RGS21: variants seen among roughly 807,000 people sequenced by gnomAD.
The protein encoded by RGS21 is regulator of G-protein signalling 21.
In RGS21, 19 loss-of-function variants were observed where a neutral mutation model predicts 18.7. The ratio of observed to expected loss-of-function variants is 1.01; its 90% CI spans 0.71 to 1.49. RGS21 has a LOEUF of 1.49. Ranked by LOEUF, RGS21 falls within the 40% of genes most tolerant of loss-of-function variation. The pLI, the probability that RGS21 is intolerant of heterozygous loss-of-function variation, is 0.00. For synonymous variants in RGS21, 56 were observed against 57.8 expected (o/e 0.97, Z 0.14); for missense variants, 194 against 176.8 (o/e 1.10, Z -0.55).
intron 1 of RGS21, among the ~76,000 whole-genome samples, chr1:192,319,712 A>C (rs948067393): frequency 1.3e-5 from 2 of 152,104 alleles, no homozygotes; most frequent in Non-Finnish European, 1.5e-5. Flanking sequence ...TAGCTACTAC[A>C]TAAGGCACCT....
intron 3 of RGS21, 83 bp from the exon 4 acceptor site, chr1:192,351,964 C>A: frequency 1.4e-6 from 1 of 695,688 alleles, no homozygotes; most frequent in South Asian, 2.4e-5. Flanking sequence ...CCAGTAAATG[C>A]TCATATTATA....
chr1:192,333,299 C>T (rs1191082055), intron 1 of RGS21, among the ~76,000 whole-genome samples: 2 of 151,702 alleles, frequency 1.3e-5, no homozygotes, highest in Non-Finnish European at 2.9e-5. Flanking sequence ...CACACACACA[C>T]ACACTTACCA....
At chr1:192,361,942 T>G (rs1659192687) in intron 4 of RGS21, among the ~76,000 whole-genome samples, 1 of 152,140 alleles carries the variant, frequency 6.6e-6, no homozygotes, top group African/African-American at 2.4e-5. Context: ...TCAGAGGATA[T>G]TCAACTTAAG....
At chr1:192,324,287 T>C (rs1180789911) in intron 1 of RGS21, among the ~76,000 whole-genome samples, 5 of 152,096 alleles carry the variant, frequency 3.3e-5, no homozygotes, top group Admixed American at 6.6e-5. Flanking sequence ...TTTAAACAAT[T>C]TTCTCATTAG....
intron 4 of RGS21, among the ~76,000 whole-genome samples, chr1:192,360,807 A>G (rs1162327476): frequency 3.3e-5 from 5 of 152,104 alleles, no homozygotes; most frequent in Admixed American, 1.3e-4. Context: ...TTAATATTTC[A>G]TAGTCATAAT....
chr1:192,364,651 T>C (rs1571465879), intron 4 of RGS21, among the ~76,000 whole-genome samples: 1 of 152,196 alleles, frequency 6.6e-6, no homozygotes, highest in East Asian at 1.9e-4. Flanking sequence ...CATTTATAGT[T>C]CCATACTCCA....
chr1:192,333,886 T>C (rs1658726298), intron 1 of RGS21, among the ~76,000 whole-genome samples: 1 of 152,164 alleles, frequency 6.6e-6, no homozygotes, highest in African/African-American at 2.4e-5. Context: ...TGCCAACCAC[T>C]GGGATAGACT....
chr1:192,361,617 C>G (rs1659188599), intron 4 of RGS21, among the ~76,000 whole-genome samples: 2 of 152,152 alleles, frequency 1.3e-5, no homozygotes, highest in African/African-American at 2.4e-5. Flanking sequence ...ATGATCACGG[C>G]TGACTGCAAC....
intron 1 of RGS21, among the ~76,000 whole-genome samples, chr1:192,323,344 T>C (rs992750808): frequency 3.3e-5 from 5 of 152,120 alleles, no homozygotes; most frequent in African/African-American, 1.2e-4. Context: ...CCTGTTGCAT[T>C]ATGGAGTATG....
At chr1:192,333,092 G>T (rs1254903405) in intron 1 of RGS21, among the ~76,000 whole-genome samples, 1 of 152,026 alleles carries the variant, frequency 6.6e-6, no homozygotes, top group Non-Finnish European at 1.5e-5. Flanking sequence ...AGCTGTTAGG[G>T]AATTAAAATT....
intron 1 of RGS21, among the ~76,000 whole-genome samples, chr1:192,318,430 G>A (rs1483845018): frequency 6.6e-6 from 1 of 151,982 alleles, no homozygotes; most frequent in Admixed American, 6.6e-5. Context: ...CCCTCCTTGG[G>A]GCTAGACTCT....
intron 2 of RGS21, 103 bp downstream of exon 2, chr1:192,343,150 T>C: frequency 9.2e-7 from 1 of 1,089,376 alleles, no homozygotes; most frequent in Non-Finnish European, 1.4e-6. Context: ...TTATGATAAA[T>C]ACGCTAATTG....
intron 2 of RGS21, among the ~76,000 whole-genome samples, chr1:192,343,474 C>G (rs1345773405): frequency 6.6e-6 from 1 of 152,106 alleles, no homozygotes; most frequent in African/African-American, 2.4e-5. Flanking sequence ...CATTCTCCAG[C>G]ACACTGCTAA....
chr1:192,352,023 A>T (rs371313430), intron 3 of RGS21, 24 bp from the exon 4 acceptor site: 6 of 1,478,322 alleles, frequency 4.1e-6, no homozygotes, highest in Non-Finnish European at 5.5e-6. Flanking sequence ...TATTATACAA[A>T]ACTTTTTCTC....
At chr1:192,320,081 C>A (rs1658474789) in intron 1 of RGS21, among the ~76,000 whole-genome samples, 1 of 151,862 alleles carries the variant, frequency 6.6e-6, no homozygotes, top group African/African-American at 2.4e-5. Flanking sequence ...AACCGCAATA[C>A]CAGATGAAAG....
intron 1 of RGS21, among the ~76,000 whole-genome samples, chr1:192,324,143 C>A (rs1658533847): frequency 6.7e-6 from 1 of 148,662 alleles, no homozygotes; most frequent in Admixed American, 6.7e-5. Flanking sequence ...ACAGTCATAA[C>A]TTCATAAAAA....
At chr1:192,359,595 T>C (rs960923986) in intron 4 of RGS21, among the ~76,000 whole-genome samples, 2 of 150,638 alleles carry the variant, frequency 1.3e-5, no homozygotes, top group Non-Finnish European at 3.0e-5. Context: ...GGAGTGACTC[T>C]ATTAAAGGAA....
chr1:192,357,517 G>A (rs561741001), intron 4 of RGS21, among the ~76,000 whole-genome samples: 6 of 151,916 alleles, frequency 3.9e-5, no homozygotes, highest in Admixed American at 2.0e-4. Flanking sequence ...TGGTCATCAC[G>A]TTCACTCTCT....
At chr1:192,350,449 G>A (rs1659023938) in intron 3 of RGS21, among the ~76,000 whole-genome samples, 1 of 151,910 alleles carries the variant, frequency 6.6e-6, no homozygotes, top group African/African-American at 2.4e-5. Flanking sequence ...AGCCAATTTT[G>A]CCTATCCCCT....
Sources: allele counts gnomAD v4.1 joint callset (sites outside exome capture counted in the v4.1 genomes callset), GRCh38; gene constraint gnomAD v4.1.1; transcripts MANE v1.5; gene names NCBI Gene and HGNC (gene_info 2026-07-23, HGNC 2026-07-21).